The following TOR1AIP2 variants were observed in gnomAD, a reference collection of about 807,000 sequenced individuals.
TOR1AIP2 encodes the protein torsin-1A-interacting protein 2.
In TOR1AIP2, 20 loss-of-function variants were observed where a neutral mutation model predicts 32.6. The ratio of observed to expected loss-of-function variants is 0.61; its 90% confidence interval spans 0.43 to 0.89. The LOEUF is 0.89. Among genes scored for constraint, TOR1AIP2 ranks in the 40% least tolerant of loss-of-function variants. The pLI is 0.00. For synonymous variants in TOR1AIP2, 214 were observed against 210.8 expected (o/e 1.02, Z -0.13); for missense variants, 456 against 553.8 (o/e 0.82, Z 1.77).
At position 179,846,477 on chromosome 1, in the gene TOR1AIP2, G is replaced by A. The variant is rs1441169584; in HGVS notation, c.1007C>T (p.Thr336Ile). The A allele has an allele frequency of 3.1e-6, 5 of 1,614,044 alleles. No individual in the cohort carries two copies. The highest frequency in any genetic ancestry group is 4.2e-6 in the Non-Finnish European group (5 of 1,180,050). ...SPIQIDGAGR[T>I]WQDSDTVKLL... is the part of the protein sequence containing the mutation. ...CTTGACCGTGTCACTGTCCTGCCAG[G>A]TCCTTCCAGCCCCATCAATCTGAAT... Residue 336 changes from threonine to isoleucine, a missense_variant, in exon 7 of 7, where the codon ACC becomes ATC. By Grantham distance (89) the Thr-to-Ile change is moderately conservative. Transcript: ENST00000609928.
At chr1:179,853,990 T>A (rs957221521) in intron 3 of TOR1AIP2, among the ~76,000 whole-genome samples, 4 of 152,140 alleles carry the variant, frequency 2.6e-5, no homozygotes, top group Admixed American at 1.3e-4. Context: ...TTCTCTCCTA[T>A]CCTAGCTCAT....
chr1:179,864,696 G>T, intron 3 of TOR1AIP2: 2 of 1,504,450 alleles, frequency 1.3e-6, no homozygotes, highest in South Asian at 2.8e-5. Context: ...ATCTGGGTCA[G>T]ACTTAGAAAT....
At chr1:179,861,563 G>C in intron 3 of TOR1AIP2, 1 of 985,290 alleles carries the variant, frequency 1.0e-6, no homozygotes, top group South Asian at 4.7e-5. Flanking sequence ...TAATGACACT[G>C]AACAAAACTG....
chr1:179,872,610 C>T (rs76981445), intron 2 of TOR1AIP2, among the ~76,000 whole-genome samples: 4,710 of 152,298 alleles, frequency 0.031, 111 homozygotes, highest in Middle Eastern at 0.058. Flanking sequence ...TTGTTTTTTA[C>T]ACAGGAATTG....
At chr1:179,871,941 G>A (rs1225398071) in intron 2 of TOR1AIP2, among the ~76,000 whole-genome samples, 4 of 152,090 alleles carry the variant, frequency 2.6e-5, no homozygotes, top group South Asian at 2.1e-4. Context: ...AATGCTCCTG[G>A]AAAAAAGTCA....
In TOR1AIP2 at chr1:179,842,889, T is replaced by A. The variant is rs1347427234; in HGVS notation, c.*3182A>T. ...GAAACCCTGTCTCTACTAAAAATAT[T>A]TTTTTAAAAATTAGCCAGGTGTCGG... On this transcript the variant is annotated 3_prime_UTR_variant, in exon 7 of 7. Transcript: ENST00000609928. 6.6e-6 allele frequency: 1 copy of A among 151,798 alleles called. No homozygotes were observed. Among genetic ancestry groups the A allele is most frequent in the Non-Finnish European group, 1.5e-5 (1 of 67,938 alleles). The allele number at this position is 151,798 out of a possible 1,614,324, so 9.4% of individuals were successfully genotyped here.
chr1:179,870,205 G>A lies in TOR1AIP2; in HGVS notation c.-565-4351C>T, dbSNP rs368828569. On this transcript the variant is annotated intron_variant, in intron 2 of 6. Transcript: ENST00000609928. ...AGGTCAGGAGATGGAGACCATCCTG[G>A]CTAACACATGGTGAAACCCTGTCTC... Among the ~76,000 whole-genome samples the A allele has an allele frequency of 2.0e-3, 301 of 152,152 alleles. 2 individuals carry two copies. The highest frequency in any genetic ancestry group is 7.1e-3 in the African/African-American group (295 of 41,514).
intron 3 of TOR1AIP2, chr1:179,863,450 G>C (rs763315134): frequency 6.1e-6 from 6 of 985,028 alleles, no homozygotes; most frequent in Non-Finnish European, 6.0e-6. Flanking sequence ...TCTACTTCCA[G>C]CCTTTCCTAG....
At chr1:179,867,939 C>T (rs1696852777) in intron 2 of TOR1AIP2, 1 of 152,266 alleles carries the variant, frequency 6.6e-6, no homozygotes, top group Non-Finnish European at 1.5e-5. Flanking sequence ...ACTCCAAATG[C>T]TCAAAATAAT....
chr1:179,852,108 C>T (rs979458745), intron 4 of TOR1AIP2, among the ~76,000 whole-genome samples: 17 of 151,968 alleles, frequency 1.1e-4, no homozygotes, highest in African/African-American at 4.1e-4. Flanking sequence ...GGTGAAACCC[C>T]GTCTCTACTA....
intron 3 of TOR1AIP2, among the ~76,000 whole-genome samples, chr1:179,856,258 T>A (rs1051717125): frequency 1.3e-5 from 2 of 152,250 alleles, no homozygotes; most frequent in Non-Finnish European, 2.9e-5. Flanking sequence ...ATTAATTGTA[T>A]GTGACATAGA....
chr1:179,876,800 A>G (rs1230674542), intron 2 of TOR1AIP2, among the ~76,000 whole-genome samples: 1 of 152,240 alleles, frequency 6.6e-6, no homozygotes, highest in Non-Finnish European at 1.5e-5. Flanking sequence ...TCTGTGTAAC[A>G]GTATAAAGTC....
chr1:179,843,480 C>T lies in TOR1AIP2; in HGVS notation c.*2591G>A, dbSNP rs1287289549. On this transcript the variant is annotated 3_prime_UTR_variant, in exon 7 of 7. Coordinates refer to ENST00000609928, the MANE Select transcript of TOR1AIP2 (RefSeq NM_001199260.2). Reference sequence around the variant, plus strand: ...GAGATTGTGCCACTGCACTGCATTCCAGCCTGGGTGACAGAGCAAGACCTT... The same window carrying T: ...GAGATTGTGCCACTGCACTGCATTCTAGCCTGGGTGACAGAGCAAGACCTT... 1 of 143,966 alleles carries T rather than the reference C, an allele frequency of 6.9e-6. No individual in the cohort carries two copies. The highest frequency in any genetic ancestry group is 2.6e-5 in the African/African-American group (1 of 38,094). The allele number at this position is 143,966 out of a possible 1,614,324, so 8.9% of individuals were successfully genotyped here.
intron 5 of TOR1AIP2, among the ~76,000 whole-genome samples, chr1:179,848,153 T>C (rs1251512858): frequency 1.3e-5 from 2 of 152,210 alleles, no homozygotes; most frequent in Non-Finnish European, 2.9e-5. Flanking sequence ...AGGATAATGT[T>C]GCTATATTCA....
intron 3 of TOR1AIP2, chr1:179,863,881 T>TA (rs1385223040): frequency 1.0e-6 from 1 of 985,270 alleles, no homozygotes; most frequent in Non-Finnish European, 1.2e-6. Flanking sequence ...GGGTCCATGA[T>TA]TTTCATGAAA....
At chr1:179,876,069 T>C (rs1051754550) in intron 2 of TOR1AIP2, 1 of 152,182 alleles carries the variant, frequency 6.6e-6, no homozygotes, top group South Asian at 2.1e-4. Context: ...TTATGGGCCT[T>C]CACAGTTGAC....
intron 3 of TOR1AIP2, chr1:179,860,969 G>C: frequency 1.0e-6 from 1 of 985,374 alleles, no homozygotes; most frequent in Non-Finnish European, 1.2e-6. Flanking sequence ...CTGTAACTCA[G>C]AGATGAATCT....
chr1:179,840,510 G>A lies in TOR1AIP2; in HGVS notation c.*5561C>T, dbSNP rs1396445701. 9 of 152,142 alleles carry A rather than the reference G, an allele frequency of 5.9e-5. No individual in the cohort carries two copies. The highest frequency in any genetic ancestry group is 1.2e-4 in the Non-Finnish European group (8 of 68,044). 9.4% of individuals were successfully genotyped at this position (152,142 alleles called of 1,614,324 possible). A position where few individuals can be genotyped will look rare whatever the true frequency, so the allele number is the denominator to read the frequency against. On this transcript the variant is annotated 3_prime_UTR_variant, in exon 7 of 7. Transcript: ENST00000609928. The stretch of plus-strand genomic sequence containing the variant: ...GGCTTTTCAAGACATCACAGCAAGC[G>A]GGCACAGATAATGCAGATAATACTG...
At chr1:179,869,525 C>G (rs1696930859) in intron 2 of TOR1AIP2, among the ~76,000 whole-genome samples, 1 of 152,080 alleles carries the variant, frequency 6.6e-6, no homozygotes, top group Non-Finnish European at 1.5e-5. Context: ...TAAGCAAAAC[C>G]AAACTTTCAC....
Sources: gnomAD v4.1 joint callset for allele counts (sites outside exome capture counted in the v4.1 genomes callset) on GRCh38, gnomAD v4.1.1 for gene constraint, MANE v1.5 for transcripts, NCBI Gene and HGNC (gene_info 2026-07-23, HGNC 2026-07-21) for gene names.